Variants in GLB1L3 observed in about 807,000 individuals in gnomAD.
GLB1L3 encodes galactosidase beta 1 like 3.
In GLB1L3, 89 loss-of-function variants were observed where a neutral mutation model predicts 89.5. That is an observed-to-expected ratio of 0.99 (90% CI 0.84 to 1.19). The LOEUF (loss-of-function observed/expected upper bound fraction) is 1.19. GLB1L3 is among the 50% of genes most tolerant of loss of function. GLB1L3 has a pLI of 0.00. For synonymous variants in GLB1L3, 314 were observed against 312.3 expected (o/e 1.01, Z -0.06); for missense variants, 812 against 813.3 (o/e 1.00, Z 0.02).
At chr11:134,310,322 A>C in intron 11 of GLB1L3, 1 of 527,000 alleles carries the variant, frequency 1.9e-6, no homozygotes, top group Non-Finnish European at 3.4e-6. Flanking sequence ...TGGGTTGAAC[A>C]AGTTTGCATT....
At chr11:134,306,055 A>C (rs1301412683) in intron 9 of GLB1L3, among the ~76,000 whole-genome samples, 1 of 152,162 alleles carries the variant, frequency 6.6e-6, no homozygotes, top group Non-Finnish European at 1.5e-5. Flanking sequence ...CAAATAACAT[A>C]AGAATTTCCT....
In GLB1L3 at chr11:134,312,939, C is replaced by T. The variant is rs184605788; in HGVS notation, c.1500+52C>T. 103 of 1,231,372 alleles carry T rather than the reference C, an allele frequency of 8.4e-5. No individual in the cohort carries two copies. The African/African-American group carries it at 9.3e-4, about 11-fold the overall frequency. 76.3% of individuals were successfully genotyped at this position (1,231,372 alleles called of 1,614,324 possible). On this transcript the variant is annotated intron_variant, in intron 15 of 19. Coordinates refer to ENST00000431683, the MANE Select transcript of GLB1L3 (RefSeq NM_001080407.3). ...GCCCTCGACCCCCCTCAAATGCAGA[C>T]GGAGCCTGGTCCTGAGACAGTCAGC...
chr11:134,310,887 C>T (rs1942698356), intron 12 of GLB1L3, 177 bp from the exon 13 acceptor site: 1 of 633,898 alleles, frequency 1.6e-6, no homozygotes. Context: ...AGATAGTAAC[C>T]TTGGTCTCCT....
chr11:134,293,017 A>G, intron 8 of GLB1L3, 128 bp from the exon 9 acceptor site: 1 of 738,636 alleles, frequency 1.4e-6, no homozygotes, highest in Non-Finnish European at 2.4e-6. Flanking sequence ...GGGTCCAGAC[A>G]GCATCTCGCC....
chr11:134,305,761 G>A (rs1942178384), intron 9 of GLB1L3, among the ~76,000 whole-genome samples: 1 of 152,088 alleles, frequency 6.6e-6, no homozygotes, highest in Non-Finnish European at 1.5e-5. Context: ...ATAGAGATAT[G>A]AATAAGATTA....
At chr11:134,306,643 A>G (rs1455847624) in intron 9 of GLB1L3, among the ~76,000 whole-genome samples, 1 of 152,210 alleles carries the variant, frequency 6.6e-6, no homozygotes, top group Non-Finnish European at 1.5e-5. Context: ...TTTAATATCC[A>G]TGGCACAGCA....
chr11:134,312,399 T>C lies in GLB1L3; in HGVS notation c.1338T>C (p.Asn446=), dbSNP rs1479766770. 1 of 1,613,792 alleles carries C rather than the reference T, an allele frequency of 6.2e-7. No individual in the cohort carries two copies. The highest frequency in any genetic ancestry group is 2.2e-5 in the East Asian group (1 of 44,880). ...PVNMENLPIN[N]GSGQSYGLVL... The stretch of plus-strand genomic sequence containing the variant: ...ACATGGAGAACCTTCCCATAAACAA[T>C]GGGAGCGGCCAGTCCTACGGGCTTG... The change falls in exon 14 of 20, where the codon AAT becomes AAC. Residue 446 remains asparagine, a synonymous_variant. Transcript: ENST00000431683.
intron 10 of GLB1L3, among the ~76,000 whole-genome samples, chr11:134,308,533 TAC>T (rs1942504059): frequency 1.3e-4 from 3 of 23,340 alleles, no homozygotes; most frequent in Non-Finnish European, 2.9e-4. Context: ...CCACCACCAC[TAC>T]CACCACCATC....
At chr11:134,305,174 C>G (rs1251386615) in intron 9 of GLB1L3, 1 of 1,204,380 alleles carries the variant, frequency 8.3e-7, no homozygotes. Context: ...CTTCTTCCTC[C>G]TTATAGTTCT....
chr11:134,297,316 A>T (rs1378605294), intron 9 of GLB1L3, among the ~76,000 whole-genome samples: 1 of 152,180 alleles, frequency 6.6e-6, no homozygotes, highest in Admixed American at 6.5e-5. Flanking sequence ...ATATTGCTTT[A>T]AAAAATTCAA....
At position 134,283,969 on chromosome 11, in the gene GLB1L3, C is replaced by A. The variant is rs1940848282; in HGVS notation, c.636+124C>A. The A allele has an allele frequency of 6.1e-6, 4 of 660,840 alleles. No individual in the cohort carries two copies. In the South Asian group the frequency reaches 7.2e-5, roughly 12 times the overall value. 40.9% of individuals were successfully genotyped at this position (660,840 alleles called of 1,614,324 possible). A position where few individuals can be genotyped will look rare whatever the true frequency, so the allele number is the denominator to read the frequency against. On this transcript the variant is annotated intron_variant, in intron 6 of 19. Coordinates refer to ENST00000431683, the MANE Select transcript of GLB1L3 (RefSeq NM_001080407.3). The stretch of plus-strand genomic sequence containing the variant: ...ACAATTGAGTTGACTTTCTTGTAAC[C>A]TTGAGTTCTGGACCCTTGGCTTGAG...
chr11:134,319,754 G>A (rs1036282641), downstream of GLB1L3, among the ~76,000 whole-genome samples: 82 of 151,040 alleles, frequency 5.4e-4, no homozygotes, highest in African/African-American at 1.2e-3. Flanking sequence ...GTGTGCGCGC[G>A]CGCGTGCATG....
chr11:134,317,278 T>C (rs1943026083), intron 18 of GLB1L3, among the ~76,000 whole-genome samples: 2 of 152,208 alleles, frequency 1.3e-5, no homozygotes. Context: ...GTATTCTTGG[T>C]TGCCAGTTGA....
chr11:134,324,468 T>C (rs1943200216), downstream of GLB1L3, among the ~76,000 whole-genome samples: 2 of 152,230 alleles, frequency 1.3e-5, no homozygotes, highest in Non-Finnish European at 2.9e-5. Context: ...ATTTAGTCTC[T>C]GCAGACTCAA....
downstream of GLB1L3, chr11:134,319,714 C>CTG (rs1256386195): frequency 2.6e-4 from 36 of 139,804 alleles, 1 homozygote; most frequent in African/African-American, 8.8e-4. Flanking sequence ...CTCTCTCTCT[C>CTG]TCTCTGTGTA....
In GLB1L3 at chr11:134,301,039, C is replaced by G. The variant is rs142756016; in HGVS notation, c.877-6085C>G. Reference sequence around the variant, plus strand: ...CATCAGGGTGTCAGCCGCCATCCGTCTCGGCTCCCTTGACTTCAGACTCTC... The same window carrying G: ...CATCAGGGTGTCAGCCGCCATCCGTGTCGGCTCCCTTGACTTCAGACTCTC... On this transcript the variant is annotated intron_variant, in intron 9 of 19. Transcript: ENST00000431683. Among the ~76,000 whole-genome samples, 85 of 152,360 alleles carry G rather than the reference C, an allele frequency of 5.6e-4. 1 individual carries two copies. The East Asian group carries it at 0.014, about 25-fold the overall frequency.
At chr11:134,279,364 CTTTTT>C (rs10577769) in intron 3 of GLB1L3, among the ~76,000 whole-genome samples, 3 of 108,336 alleles carry the variant, frequency 2.8e-5, no homozygotes, top group Non-Finnish European at 5.6e-5. Context: ...TTTTCTTTTT[CTTTTT>C]TTTTTTTTTT....
intron 9 of GLB1L3, among the ~76,000 whole-genome samples, chr11:134,303,367 A>C (rs1942039249): frequency 1.3e-5 from 2 of 152,186 alleles, no homozygotes; most frequent in Non-Finnish European, 2.9e-5. Context: ...ACTGAAGTTG[A>C]ACCTGCCATC....
At chr11:134,298,071 T>C (rs931503229) in intron 9 of GLB1L3, among the ~76,000 whole-genome samples, 1 of 151,884 alleles carries the variant, frequency 6.6e-6, no homozygotes, top group Admixed American at 6.6e-5. Flanking sequence ...TCTTATCTTT[T>C]TTTTTTGTCT....
Sources: gnomAD v4.1 joint callset for allele counts (sites outside exome capture counted in the v4.1 genomes callset) on GRCh38, gnomAD v4.1.1 for gene constraint, MANE v1.5 for transcripts, NCBI Gene and HGNC (gene_info 2026-07-23, HGNC 2026-07-21) for gene names.